The following UNC80 variants were observed in gnomAD, a reference collection of about 807,000 sequenced individuals.
UNC80 encodes unc-80 subunit of NALCN channel complex.
In UNC80, 164 loss-of-function variants were observed where a neutral mutation model predicts 384.6. The ratio of observed to expected loss-of-function variants is 0.43; its 90% CI spans 0.38 to 0.49. The LOEUF (loss-of-function observed/expected upper bound fraction) is 0.49. UNC80 is among the 20% of genes least tolerant of loss of function. UNC80 has a pLI of 0.00. For synonymous variants in UNC80, 1,486 were observed against 1,527.8 expected (o/e 0.97, Z 0.64); for missense variants, 3,330 against 4,143.0 (o/e 0.80, Z 5.39).
chr2:209,899,669 T>A (rs2087176356), intron 28 of UNC80, among the ~76,000 whole-genome samples: 1 of 152,142 alleles, frequency 6.6e-6, no homozygotes, highest in South Asian at 2.1e-4. Flanking sequence ...CCTTTTAATA[T>A]GAAGATGTCC....
chr2:209,888,850 A>T (rs1270698079), intron 26 of UNC80, among the ~76,000 whole-genome samples: 1 of 152,132 alleles, frequency 6.6e-6, no homozygotes, highest in Non-Finnish European at 1.5e-5. Context: ...AATGAGAAAA[A>T]ATAATATTAT....
At position 209,959,172 on chromosome 2, in the gene UNC80, C is replaced by T. The variant is rs1402919017; in HGVS notation, c.7586+18C>T. 4.5e-6 allele frequency: 7 copies of T among 1,551,770 alleles called. No individual in the cohort carries two copies. Among genetic ancestry groups the T allele is most frequent in the Non-Finnish European group, 6.1e-6 (7 of 1,146,798 alleles). On this transcript the variant is annotated intron_variant, in intron 50 of 64. Transcript: ENST00000673920. ...TTTATCAGGTACAGAAAGACTTGCT[C>T]TAATTTCATACCAGTTCTGACATCT...
chr2:209,829,301 G>A lies in UNC80; in HGVS notation c.2548G>A (p.Val850Met). 1 of 1,551,416 alleles carries A rather than the reference G, an allele frequency of 6.4e-7. No individual in the cohort carries two copies. ...MQFRQTMRDY[V>M]NKDSLNNVVD... ...GTTCCGACAAACCATGAGGGACTAT[G>A]TGAACAAGGACTCTCTCAATAATGT... The change falls in exon 15 of 65, where the codon GTG becomes ATG. Residue 850 changes from valine (V) to methionine (M), a missense_variant. Val to Met is a conservative substitution (Grantham distance 21, BLOSUM62 1). Around this residue, in one of 8 missense-constraint regions of UNC80, gnomAD observed 937 missense variants for 1,026.8 expected, o/e 0.91. Transcript: ENST00000673920.
At position 209,771,981 on chromosome 2, in the gene UNC80, A is replaced by T; in HGVS notation, c.-92A>T. ...CGGCTCTGCCTCGGGGAAGGAGGGGATGAGAGTTGGGAGCAGCGGGAGGAG... is the reference window on the plus strand; with the variant it reads ...CGGCTCTGCCTCGGGGAAGGAGGGGTTGAGAGTTGGGAGCAGCGGGAGGAG... On this transcript the variant is annotated 5_prime_UTR_variant, in exon 1 of 65. An upstream start codon of the reference 5' UTR is lost. Transcript: ENST00000673920. The T allele has an allele frequency of 1.1e-6, 1 of 884,538 alleles. No homozygotes were observed. The highest frequency in any genetic ancestry group is 1.8e-6 in the Non-Finnish European group (1 of 550,594). The allele number at this position is 884,538 out of a possible 1,614,324, so 54.8% of individuals were successfully genotyped here. A position where few individuals can be genotyped will look rare whatever the true frequency, so the allele number is the denominator to read the frequency against.
intron 33 of UNC80, among the ~76,000 whole-genome samples, chr2:209,920,136 T>C (rs1017313203): frequency 2.6e-5 from 4 of 152,022 alleles, no homozygotes; most frequent in Non-Finnish European, 5.9e-5. Flanking sequence ...GCCATTGTAC[T>C]CCAGCCTGGG....
Position 209,912,584 on chromosome 2 carries a change from A to C in UNC80, c.4807A>C (p.Thr1603Pro), listed in dbSNP as rs1023477727. ...GTGCTCAGATAAGTCATGCCTGAGG[A>C]CACCTTCTCTAAAGAAGAGAGTTTC... ...KECSDKSCLR[T>P]PSLKKRVSDA... Residue 1603 changes from threonine (T) to proline (P), a missense_variant, in exon 30 of 65, where the codon ACA becomes CCA. Thr to Pro is a conservative substitution (Grantham distance 38). Around this residue, in one of 8 missense-constraint regions of UNC80, gnomAD observed 801 missense variants for 950.8 expected, o/e 0.84. Coordinates refer to ENST00000673920, the MANE Select transcript of UNC80 (RefSeq NM_001371986.1). The C allele has an allele frequency of 7.0e-5, 109 of 1,551,322 alleles. No individual in the cohort carries two copies. Among genetic ancestry groups the C allele is most frequent in the Non-Finnish European group, 9.2e-5 (105 of 1,146,766 alleles).
At chr2:209,906,858 C>A (rs1048892547) in intron 29 of UNC80, among the ~76,000 whole-genome samples, 1 of 152,046 alleles carries the variant, frequency 6.6e-6, no homozygotes, top group South Asian at 2.1e-4. Flanking sequence ...ACTATAAAAA[C>A]TCCCTTAGCT....
At position 209,945,087 on chromosome 2, in the gene UNC80, GCT is replaced by G; in HGVS notation, c.7089_7090del (p.Gln2364ValfsTer4). 1 of 1,551,746 alleles carries G rather than the reference GCT, an allele frequency of 6.4e-7. No homozygotes were observed. Among genetic ancestry groups the G allele is most frequent in the South Asian group, 1.2e-5 (1 of 84,048 alleles). ...TAATGGGCCCAGCAAAGGTGTGTCA[GCT>G]CAGTGCCTGTTTGACTTGCTGCAGT... ...ANNGPSKGVS[A>X]QCLFDLLQSL... On this transcript the variant is annotated frameshift_variant, in exon 46 of 65. Transcript: ENST00000673920. LOFTEE classifies it high-confidence loss of function.
At chr2:209,858,872 T>C (rs576445024) in intron 22 of UNC80, among the ~76,000 whole-genome samples, 1 of 152,272 alleles carries the variant, frequency 6.6e-6, no homozygotes, top group Non-Finnish European at 1.5e-5. Context: ...TCATTGTGTG[T>C]GCATGTGTGT....
chr2:209,992,241 G>C lies in UNC80; in HGVS notation c.9390G>C (p.Leu3130=), dbSNP rs753831603. ...AGCCGCTGGGGAGGAAGAGGGGCCT[G>C]AGGCAGGTAAGTAGACCCTTAAAGC... ...VQQPLGRKRG[L]RQLRRPLLSR... The change falls in exon 62 of 65, where the codon CTG becomes CTC. Residue 3130 remains leucine, a synonymous_variant. Transcript: ENST00000673920. 6.4e-7 allele frequency: 1 copy of C among 1,551,554 alleles called. No homozygotes were observed. Among genetic ancestry groups the C allele is most frequent in the Non-Finnish European group, 8.7e-7 (1 of 1,146,902 alleles).
chr2:209,865,584 G>GAAA (rs775839043), intron 22 of UNC80, among the ~76,000 whole-genome samples: 1 of 119,126 alleles, frequency 8.4e-6, no homozygotes, highest in East Asian at 2.4e-4. Flanking sequence ...CTCCGTCTCA[G>GAAA]AAAAAAAAAA....
intron 28 of UNC80, among the ~76,000 whole-genome samples, chr2:209,901,365 A>C (rs1417741297): frequency 6.6e-6 from 1 of 152,180 alleles, no homozygotes; most frequent in African/African-American, 2.4e-5. Flanking sequence ...TAAATGGAAA[A>C]ATAAAGCCCG....
intron 26 of UNC80, among the ~76,000 whole-genome samples, chr2:209,893,499 CAT>C (rs1308392178): frequency 3.3e-5 from 5 of 152,154 alleles, no homozygotes; most frequent in Admixed American, 6.5e-5. Flanking sequence ...TCTTGGTATG[CAT>C]AGACTGTTTT....
intron 18 of UNC80, among the ~76,000 whole-genome samples, chr2:209,837,996 C>A (rs1052033716): frequency 6.6e-6 from 1 of 152,106 alleles, no homozygotes. Flanking sequence ...TGGTCTCGAT[C>A]TCCTGACCTC....
At chr2:209,799,203 A>C (rs2078376036) in intron 7 of UNC80, among the ~76,000 whole-genome samples, 1 of 151,884 alleles carries the variant, frequency 6.6e-6, no homozygotes, top group Non-Finnish European at 1.5e-5. Flanking sequence ...CTTCCTATTC[A>C]GGAAGATGGA....
chr2:209,899,463 A>G lies in UNC80; in HGVS notation c.4581+3050A>G, dbSNP rs372959106. Among the ~76,000 whole-genome samples, 148 of 152,328 alleles carry G rather than the reference A, an allele frequency of 9.7e-4. 1 individual carries two copies. Among genetic ancestry groups the G allele is most frequent in the African/African-American group, 3.5e-3 (146 of 41,580 alleles). ...TTCTGCTCAATTGTAATGTGAAGCC[A>G]AAACTGCTCTAAAACATAAAGTTTA... On this transcript the variant is annotated intron_variant, in intron 28 of 64. Transcript: ENST00000673920.
At chr2:209,880,729 TGGAG>T (rs2085213495) in intron 24 of UNC80, among the ~76,000 whole-genome samples, 2 of 152,168 alleles carry the variant, frequency 1.3e-5, no homozygotes, top group Admixed American at 1.3e-4. Context: ...ATTTGCAAAA[TGGAG>T]GGAGAGAGAT....
chr2:209,894,307 CAG>C lies in UNC80; in HGVS notation c.4424_4425del (p.Glu1475ValfsTer2). 2 of 985,318 alleles carry C rather than the reference CAG, an allele frequency of 2.0e-6. No homozygotes were observed. The highest frequency in any genetic ancestry group is 2.4e-6 in the Non-Finnish European group (2 of 829,920). 61.0% of individuals were successfully genotyped at this position (985,318 alleles called of 1,614,324 possible). ...AGCAGCAAGTTATCACGGCAGGACT[CAG>C]AGTCTGAGGCTGAGGAGCTGCAGCT... On this transcript the variant is annotated frameshift_variant, in exon 27 of 65. Transcript: ENST00000673920. LOFTEE classifies it high-confidence loss of function.
intron 3 of UNC80, 92 bp downstream of exon 3, chr2:209,776,137 C>T: frequency 1.3e-6 from 2 of 1,501,852 alleles, no homozygotes; most frequent in Non-Finnish European, 1.8e-6. Flanking sequence ...TTTCTGTTTT[C>T]TCAAGCACTG....
Sources: allele counts gnomAD v4.1 joint callset (sites outside exome capture counted in the v4.1 genomes callset), GRCh38; gene constraint gnomAD v4.1.1; regional missense constraint gnomAD v4.1.1; transcripts MANE v1.5; gene names NCBI Gene and HGNC (gene_info 2026-07-23, HGNC 2026-07-21).